The following AGO3 variants were observed in gnomAD, a reference collection of about 807,000 sequenced individuals.
AGO3 encodes the protein protein argonaute-3.
A neutral mutation model predicts 105.5 loss-of-function variants in AGO3; 16 were observed. The ratio of observed to expected loss-of-function variants is 0.15; its 90% confidence interval spans 0.10 to 0.23. The LOEUF is 0.23. AGO3 is among the 10% of genes least tolerant of loss of function. The probability of loss-of-function intolerance (pLI) is 1.00; values close to 1 mark genes in which losing one functional copy is unlikely to be tolerated. For synonymous variants in AGO3, 340 were observed against 367.3 expected (o/e 0.93, Z 0.85); for missense variants, 534 against 1,088.0 (o/e 0.49, Z 7.16).
intron 17 of AGO3, among the ~76,000 whole-genome samples, chr1:36,043,868 A>C (rs1642351532): frequency 6.6e-6 from 1 of 152,152 alleles, no homozygotes; most frequent in Non-Finnish European, 1.5e-5. Flanking sequence ...TCTTTAAAAA[A>C]AAAAGAGAGA....
chr1:35,973,472 G>A lies in AGO3; in HGVS notation c.619G>A (p.Val207Ile). 6.3e-7 allele frequency: 1 copy of A among 1,589,932 alleles called. No individual in the cohort carries two copies. The highest frequency in any genetic ancestry group is 8.6e-7 in the Non-Finnish European group (1 of 1,164,946). ...REVWFGFHQS[V>I]RPAMWKMMLN... ...AGTGTGGTTTGGATTCCATCAGTCT[G>A]TTCGGCCTGCCATGTGGAAAATGAT... Residue 207 changes from valine (V) to isoleucine (I), a missense_variant, in exon 5 of 19, where the codon GTT becomes ATT. Transcript: ENST00000373191.
chr1:36,043,664 C>A, intron 17 of AGO3, 116 bp downstream of exon 17: 2 of 872,182 alleles, frequency 2.3e-6, no homozygotes, highest in Non-Finnish European at 3.5e-6. Flanking sequence ...ATTGTTTCCA[C>A]ATGAAATTAG....
At chr1:35,977,709 T>G (rs1451732694) in intron 5 of AGO3, among the ~76,000 whole-genome samples, 1 of 152,146 alleles carries the variant, frequency 6.6e-6, no homozygotes, top group Non-Finnish European at 1.5e-5. Context: ...TATTAGTTTT[T>G]GAAATTCTGT....
rs748556013 is a variant in AGO3, at chr1:36,055,755, G to A, written c.*10G>A. 1.9e-6 allele frequency: 3 copies of A among 1,611,906 alleles called. No homozygotes were observed. Among genetic ancestry groups the A allele is most frequent in the African/African-American group, 2.7e-5 (2 of 74,882 alleles). On this transcript the variant is annotated 3_prime_UTR_variant, in exon 19 of 19. Transcript: ENST00000373191. This position sits in a 1 kb window ranked among gnomAD's most constrained non-coding sequence, Gnocchi z 4.4. ...AATGTACTTCGCTTAAATAGTCCAA[G>A]TATATTCTCTGAGAGGAAGTACTGA...
Position 36,027,703 on chromosome 1 carries a change from CAGG to C in AGO3, c.1591+409_1591+411del, listed in dbSNP as rs1303385405. On this transcript the variant is annotated intron_variant, in intron 12 of 18. Transcript: ENST00000373191. This position sits in a 1 kb window ranked among gnomAD's most constrained non-coding sequence, Gnocchi z 4.0. ...CTGAGGCAGGAGAATGGCGTGAACC[CAGG>C]AGGTGGAGCTTGCAGTGAGCCGAGA... Among the ~76,000 whole-genome samples the C allele has an allele frequency of 6.6e-6, 1 of 150,740 alleles. No homozygotes were observed. Among genetic ancestry groups the C allele is most frequent in the Non-Finnish European group, 1.5e-5 (1 of 67,862 alleles).
intron 12 of AGO3, among the ~76,000 whole-genome samples, chr1:36,030,375 C>T (rs908148737): frequency 9.2e-5 from 14 of 151,808 alleles, no homozygotes; most frequent in Admixed American, 7.9e-4. Flanking sequence ...TGGTAGTACA[C>T]ATCTGTGGTC....
intron 16 of AGO3, among the ~76,000 whole-genome samples, chr1:36,040,813 C>A (rs1642212431): frequency 6.6e-6 from 1 of 152,062 alleles, no homozygotes; most frequent in South Asian, 2.1e-4. Context: ...TGGCTCACAC[C>A]TGTAATTCCA....
At chr1:35,995,844 A>G (rs1354038532) in intron 5 of AGO3, among the ~76,000 whole-genome samples, 1 of 151,986 alleles carries the variant, frequency 6.6e-6, no homozygotes, top group East Asian at 1.9e-4. Context: ...CGCCTGGGTA[A>G]TTTTTGTAGT....
intron 2 of AGO3, among the ~76,000 whole-genome samples, chr1:35,961,909 G>C (rs1457505713): frequency 2.6e-5 from 4 of 152,108 alleles, no homozygotes; most frequent in African/African-American, 9.7e-5. Flanking sequence ...TCTCTAATTT[G>C]TTCTTATTAC....
chr1:35,966,580 T>A (rs775331417), intron 2 of AGO3, among the ~76,000 whole-genome samples: 7 of 152,312 alleles, frequency 4.6e-5, no homozygotes, highest in Admixed American at 6.5e-5. Flanking sequence ...AATAGAGATA[T>A]GTACTAGGTG....
intron 5 of AGO3, among the ~76,000 whole-genome samples, chr1:36,003,170 CATG>C (rs1484601103): frequency 1.3e-5 from 2 of 149,762 alleles, no homozygotes; most frequent in African/African-American, 4.9e-5. Flanking sequence ...AGAAAAATGA[CATG>C]ATAACATGCA....
chr1:35,931,594 C>T, intron 1 of AGO3, 149 bp downstream of exon 1: 1 of 915,068 alleles, frequency 1.1e-6, no homozygotes, highest in Non-Finnish European at 1.5e-6. Context: ...TCCTCCGCGA[C>T]CTCCCCGCAG....
At chr1:36,017,266 C>G (rs1402146968) in intron 11 of AGO3, among the ~76,000 whole-genome samples, 1 of 152,274 alleles carries the variant, frequency 6.6e-6, no homozygotes, top group East Asian at 1.9e-4. Context: ...TCCCCATGAA[C>G]CAAGCCACCT....
intron 5 of AGO3, among the ~76,000 whole-genome samples, chr1:35,976,747 A>G (rs1173795901): frequency 6.6e-6 from 1 of 152,158 alleles, no homozygotes; most frequent in Non-Finnish European, 1.5e-5. Context: ...GGACTCCTAG[A>G]TTCTTTTAAT....
chr1:36,061,492 T>G lies in AGO3; in HGVS notation c.*5747T>G, dbSNP rs193097937. The stretch of plus-strand genomic sequence containing the variant: ...TGGAAGTTAAAGATTTTAATTTGAA[T>G]TAAAGATAGAAGGATGGTAAATTCA... On this transcript the variant is annotated 3_prime_UTR_variant, in exon 19 of 19. Coordinates refer to ENST00000373191, the MANE Select transcript of AGO3 (RefSeq NM_024852.4). 1 of 152,320 alleles carries G rather than the reference T, an allele frequency of 6.6e-6. No homozygotes were observed. The highest frequency in any genetic ancestry group is 2.1e-4 in the South Asian group (1 of 4,832). 9.4% of individuals were successfully genotyped at this position (152,320 alleles called of 1,614,324 possible).
rs528701729 is a variant in AGO3 at position 36,068,644 on chromosome 1, T to C, written c.*12899T>C. On this transcript the variant is annotated 3_prime_UTR_variant, in exon 19 of 19. Coordinates refer to ENST00000373191, the MANE Select transcript of AGO3 (RefSeq NM_024852.4). ...CTCTGATTTAAACTTTAAAATGTTA[T>C]GACTTTTATTCTGATACATGGCTTC... The C allele has an allele frequency of 7.9e-5, 12 of 152,388 alleles. No homozygotes were observed. The highest frequency in any genetic ancestry group is 6.5e-4 in the Admixed American group (10 of 15,308). The allele number at this position is 152,388 out of a possible 1,614,324, so 9.4% of individuals were successfully genotyped here.
chr1:36,028,103 G>T (rs1455024991), intron 12 of AGO3, among the ~76,000 whole-genome samples: 1 of 152,090 alleles, frequency 6.6e-6, no homozygotes, highest in Non-Finnish European at 1.5e-5. Flanking sequence ...GTGCAGTGGT[G>T]CAATCATGGC....
At chr1:35,977,693 A>C (rs555656466) in intron 5 of AGO3, among the ~76,000 whole-genome samples, 1 of 152,060 alleles carries the variant, frequency 6.6e-6, no homozygotes, top group Admixed American at 6.6e-5. Context: ...GTGCCCAGCT[A>C]GTTTCTATTA....
In AGO3 at chr1:36,070,833, T is replaced by C. The variant is rs1362739019; in HGVS notation, c.*15088T>C. 1 of 152,240 alleles carries C rather than the reference T, an allele frequency of 6.6e-6. No homozygotes were observed. Among genetic ancestry groups the C allele is most frequent in the African/African-American group, 2.4e-5 (1 of 41,460 alleles). 9.4% of individuals were successfully genotyped at this position (152,240 alleles called of 1,614,324 possible). A position where few individuals can be genotyped will look rare whatever the true frequency, so the allele number is the denominator to read the frequency against. On this transcript the variant is annotated 3_prime_UTR_variant, in exon 19 of 19. Coordinates refer to ENST00000373191, the MANE Select transcript of AGO3 (RefSeq NM_024852.4). ...ATCAGGAATAATTTTAAACTATTTT[T>C]GCTGTAATGTGTAGCTTTAATGTCT...
Sources: allele counts gnomAD v4.1 joint callset (sites outside exome capture counted in the v4.1 genomes callset), GRCh38; gene constraint gnomAD v4.1.1; non-coding constraint Gnocchi (gnomAD v3.1); transcripts MANE v1.5; gene names NCBI Gene and HGNC (gene_info 2026-07-23, HGNC 2026-07-21).